NDST1: variants seen among roughly 807,000 people sequenced by gnomAD.
NDST1 encodes the protein bifunctional heparan sulfate N-deacetylase/N-sulfotransferase 1.
NDST1 carries 35 observed loss-of-function variants against 92.8 expected under a neutral mutation model. The observed-to-expected ratio is 0.38, with a 90% CI of 0.29 to 0.50. The LOEUF (loss-of-function observed/expected upper bound fraction) is 0.50. Ranked by LOEUF, NDST1 falls within the 20% of genes least tolerant of loss-of-function variation. The pLI is 0.94. For synonymous variants in NDST1, 493 were observed against 500.3 expected (o/e 0.99, Z 0.19); for missense variants, 822 against 1,182.7 (o/e 0.69, Z 4.47).
chr5:150,523,913 C>T (rs1754354611), intron 2 of NDST1, among the ~76,000 whole-genome samples: 1 of 152,176 alleles, frequency 6.6e-6, no homozygotes, highest in African/African-American at 2.4e-5. Context: ...GAGCAGAGGC[C>T]TGTGATTTTC....
chr5:150,527,407 C>T (rs1194638049), intron 2 of NDST1, among the ~76,000 whole-genome samples: 2 of 152,212 alleles, frequency 1.3e-5, no homozygotes, highest in Non-Finnish European at 2.9e-5. Flanking sequence ...GAAACTGAGG[C>T]ACAGAGAGGT....
At chr5:150,531,662 G>A (rs1754745584) in intron 3 of NDST1, among the ~76,000 whole-genome samples, 1 of 151,588 alleles carries the variant, frequency 6.6e-6, no homozygotes, top group African/African-American at 2.4e-5. Context: ...ACCACACCTG[G>A]CTAATTTTGT....
Position 150,546,973 on chromosome 5 carries a change from T to A in NDST1, c.2146-1245T>A, listed in dbSNP as rs147457368. 3.3e-5 allele frequency among the ~76,000 whole-genome samples: 5 copies of A among 152,342 alleles called. No individual in the cohort carries two copies. The East Asian group carries it at 5.8e-4, about 18-fold the overall frequency. ...CTGTGCAGGGAATGGGCAGTCTGCT[T>A]TCATGGGGGAACGTAGGGTAGAGAG... On this transcript the variant is annotated intron_variant, in intron 11 of 14. Transcript: ENST00000261797.
In NDST1 at chr5:150,545,325, T is replaced by C. The variant is rs777660504; in HGVS notation, c.1984T>C (p.Phe662Leu). The C allele has an allele frequency of 6.2e-7, 1 of 1,614,220 alleles. No individual in the cohort carries two copies. Among genetic ancestry groups the C allele is most frequent in the Non-Finnish European group, 8.5e-7 (1 of 1,180,028 alleles). ...GGCTTCCTGCAGGTACATGGAGTTCTTCCCCATCCCTTCCAACACCACCTC... is the reference window on the plus strand; with the variant it reads ...GGCTTCCTGCAGGTACATGGAGTTCCTCCCCATCCCTTCCAACACCACCTC... ...HKGIDWYMEF[F>L]PIPSNTTSDF... is the part of the protein sequence containing the mutation. Residue 662 changes from phenylalanine (F) to leucine (L), a missense_variant, in exon 11 of 15, where the codon TTC becomes CTC. By Grantham distance (22) the Phe-to-Leu change is conservative. Transcript: ENST00000261797.
At chr5:150,541,321 A>G (rs1040215809) in intron 8 of NDST1, among the ~76,000 whole-genome samples, 3 of 152,246 alleles carry the variant, frequency 2.0e-5, no homozygotes, top group Non-Finnish European at 2.9e-5. Context: ...AGTTAAATTC[A>G]ACAAGTGCTT....
At chr5:150,539,447 G>T in intron 7 of NDST1, 91 bp downstream of exon 7, 1 of 1,605,856 alleles carries the variant, frequency 6.2e-7, no homozygotes, top group Non-Finnish European at 8.5e-7. Context: ...GCCAGGAAAG[G>T]GTGGAGAGGC....
At chr5:150,505,980 G>A (rs1038608417), upstream of NDST1, among the ~76,000 whole-genome samples, 2 of 152,086 alleles carry the variant, frequency 1.3e-5, no homozygotes, top group Admixed American at 6.5e-5. Flanking sequence ...AACTGAGGCC[G>A]AGAAAGGAGT....
At chr5:150,506,226 T>G (rs80029579), upstream of NDST1, among the ~76,000 whole-genome samples, 1,214 of 152,316 alleles carry the variant, frequency 8.0e-3, 13 homozygotes, top group African/African-American at 0.028. Context: ...TCCTCGCACC[T>G]CAGCCCTCCC....
intron 7 of NDST1, 26 bp from the exon 8 acceptor site, chr5:150,540,056 C>G (rs751499209): frequency 1.2e-6 from 2 of 1,613,836 alleles, no homozygotes; most frequent in Non-Finnish European, 1.7e-6. Context: ...TGGGCCCTGC[C>G]TCTCTCCTCC....
At chr5:150,533,157 C>G in intron 4 of NDST1, 125 bp downstream of exon 4, 1 of 927,072 alleles carries the variant, frequency 1.1e-6, no homozygotes, top group South Asian at 1.3e-5. Flanking sequence ...CAGAGGTGAC[C>G]CCTCTGCCCC....
chr5:150,522,206 T>C (rs1754268878), intron 2 of NDST1, among the ~76,000 whole-genome samples: 2 of 152,098 alleles, frequency 1.3e-5, no homozygotes, highest in South Asian at 2.1e-4. Context: ...AAGCCGAGAT[T>C]TGAACCTAGA....
intron 1 of NDST1, among the ~76,000 whole-genome samples, chr5:150,500,765 A>C (rs372761876): frequency 6.6e-6 from 1 of 152,382 alleles, no homozygotes; most frequent in South Asian, 2.1e-4. Context: ...AGGCAGGCTG[A>C]AACATCAAGT....
chr5:150,552,387 AG>A (rs869091198), intron 14 of NDST1, among the ~76,000 whole-genome samples: 1 of 152,178 alleles, frequency 6.6e-6, no homozygotes, highest in Non-Finnish European at 1.5e-5. Context: ...GTAAAACCAT[AG>A]GGGGAAAAAA....
chr5:150,545,612 C>G, intron 11 of NDST1, 126 bp downstream of exon 11: 1 of 1,251,818 alleles, frequency 8.0e-7, no homozygotes, highest in Non-Finnish European at 1.1e-6. Context: ...AGCCAGGCGC[C>G]TGGAGCGTGG....
rs1306129044 is a variant in NDST1 at position 150,554,437 on chromosome 5, A to G, written c.*1105A>G. ...GTCCTACAAAATGGTGGTAAGCCCCAGTCTCAGGGGTCACCCTGTCTTAGA... is the reference window on the plus strand; with the variant it reads ...GTCCTACAAAATGGTGGTAAGCCCCGGTCTCAGGGGTCACCCTGTCTTAGA... On this transcript the variant is annotated 3_prime_UTR_variant, in exon 15 of 15. Transcript: ENST00000261797. 1 of 151,782 alleles carries G rather than the reference A, an allele frequency of 6.6e-6. No individual in the cohort carries two copies. The highest frequency in any genetic ancestry group is 1.5e-5 in the Non-Finnish European group (1 of 68,254). 9.4% of individuals were successfully genotyped at this position (151,782 alleles called of 1,614,324 possible). A position where few individuals can be genotyped will look rare whatever the true frequency, so the allele number is the denominator to read the frequency against.
intron 6 of NDST1, among the ~76,000 whole-genome samples, chr5:150,537,859 T>C (rs1465088215): frequency 6.6e-6 from 1 of 152,180 alleles, no homozygotes; most frequent in Non-Finnish European, 1.5e-5. Context: ...ATTTCTCTCT[T>C]CTGTACTCTT....
rs1049632709 is a variant in NDST1 at position 150,557,243 on chromosome 5, C to CA, written c.*3912dup. The CA allele has an allele frequency of 1.3e-5, 2 of 152,688 alleles. No individual in the cohort carries two copies. The highest frequency in any genetic ancestry group is 4.8e-5 in the African/African-American group (2 of 41,472). The allele number at this position is 152,688 out of a possible 1,614,324, so 9.5% of individuals were successfully genotyped here. A position where few individuals can be genotyped will look rare whatever the true frequency, so the allele number is the denominator to read the frequency against. ...TATCTGGGCCTTGGAAGGAAGGACA[C>CA]AGGGCTCTGGAAGGAGGAGGCTGCA... is the stretch of plus-strand genomic sequence containing the variant. On this transcript the variant is annotated 3_prime_UTR_variant, in exon 15 of 15. Transcript: ENST00000261797. This position sits in a 1 kb window ranked among gnomAD's most constrained non-coding sequence, Gnocchi z 4.7.
intron 7 of NDST1, chr5:150,539,588 G>A: frequency 4.3e-6 from 6 of 1,398,926 alleles, no homozygotes; most frequent in Non-Finnish European, 5.6e-6. Flanking sequence ...ATACAAAAGT[G>A]TTGGCATTTT....
intron 5 of NDST1, chr5:150,535,455 A>G: frequency 2.1e-6 from 2 of 931,144 alleles, no homozygotes; most frequent in South Asian, 9.9e-5. Flanking sequence ...TGCTAGAGGC[A>G]TGTGCACCGG....
Sources: allele counts gnomAD v4.1 joint callset (sites outside exome capture counted in the v4.1 genomes callset), GRCh38; gene constraint gnomAD v4.1.1; non-coding constraint Gnocchi (gnomAD v3.1); transcripts MANE v1.5; gene names NCBI Gene and HGNC (gene_info 2026-07-23, HGNC 2026-07-21).